Variants in ABCA13 observed in about 807,000 individuals in gnomAD.
ABCA13 encodes the protein ATP binding cassette subfamily A member 13, also known as ATP-binding cassette sub-family A member 13.
Under a neutral mutation model 478.7 loss-of-function variants are expected in ABCA13, and 476 were observed. The observed-to-expected ratio is 0.99, with a 90% CI of 0.92 to 1.07. The LOEUF is 1.07. Among genes scored for constraint, ABCA13 ranks in the 50% least tolerant of loss-of-function variants. The probability of loss-of-function intolerance (pLI) is 0.00; values close to 1 mark genes in which losing one functional copy is unlikely to be tolerated. For synonymous variants in ABCA13, 2,252 were observed against 2,158.9 expected, an observed-to-expected ratio of 1.04 and a Z score of -1.20; for missense variants, 6,060 against 5,910.6, an observed-to-expected ratio of 1.03 and a Z score of -0.83.
At chr7:48,589,342 T>A (rs967133514) in intron 57 of ABCA13, among the ~76,000 whole-genome samples, 16 of 151,762 alleles carry the variant, frequency 1.1e-4, no homozygotes, top group Non-Finnish European at 7.3e-5. Context: ...ACATCAGGGT[T>A]GGCTTACCTA....
At position 48,338,393 on chromosome 7, in the gene ABCA13, A is replaced by G. The variant is rs369989950; in HGVS notation, c.10142A>G (p.Asn3381Ser). 5 of 1,601,722 alleles carry G rather than the reference A, an allele frequency of 3.1e-6. No homozygotes were observed. The highest frequency in any genetic ancestry group is 4.3e-6 in the Non-Finnish European group (5 of 1,173,804). Residue 3381 changes from asparagine to serine, a missense_variant, in exon 29 of 62, where the codon AAC becomes AGC. Asn to Ser is a conservative substitution (Grantham distance 46). Around this residue, in one of 3 missense-constraint regions of ABCA13, gnomAD observed 4,423 missense variants for 4,309.1 expected, o/e 1.03. Transcript: ENST00000435803. ...QEALRNKFVR[N>S]FVENQLHIDV... is the part of the protein sequence containing the mutation. ...GCCCTGAGAAACAAATTTGTAAGAA[A>G]CTTTGTAGAAAACCAGTTGCACATT...
intron 55 of ABCA13, among the ~76,000 whole-genome samples, chr7:48,543,539 G>A (rs1373671982): frequency 6.6e-6 from 1 of 151,538 alleles, no homozygotes; most frequent in Non-Finnish European, 1.5e-5. Flanking sequence ...CAGGAGAATC[G>A]CTTGAACCCA....
intron 59 of ABCA13, among the ~76,000 whole-genome samples, chr7:48,632,407 G>A (rs1794241249): frequency 6.6e-6 from 1 of 152,078 alleles, no homozygotes; most frequent in Non-Finnish European, 1.5e-5. Flanking sequence ...GCACAAACAT[G>A]TTTAATTTTG....
chr7:48,298,026 G>A (rs1440510603), intron 22 of ABCA13, among the ~76,000 whole-genome samples: 1 of 147,458 alleles, frequency 6.8e-6, no homozygotes, highest in Admixed American at 6.9e-5. Context: ...CCTTTGATCT[G>A]CCCACCTCGG....
chr7:48,554,772 G>C (rs1268939835), intron 55 of ABCA13, among the ~76,000 whole-genome samples: 1 of 150,356 alleles, frequency 6.7e-6, no homozygotes, highest in African/African-American at 2.4e-5. Context: ...TCTGCAGCAA[G>C]GATAATTTGA....
At chr7:48,454,988 C>T (rs1284599877) in intron 42 of ABCA13, 49 bp from the exon 43 acceptor site, 1 of 1,438,996 alleles carries the variant, frequency 6.9e-7, no homozygotes, top group East Asian at 2.5e-5. Context: ...AAAGCGCTGT[C>T]ACCTCCGCAG....
intron 55 of ABCA13, among the ~76,000 whole-genome samples, chr7:48,533,248 G>A (rs1833359271): frequency 6.6e-6 from 1 of 151,956 alleles, no homozygotes; most frequent in Non-Finnish European, 1.5e-5. Context: ...TGATTTCATT[G>A]TTGACCCAAT....
intron 3 of ABCA13, among the ~76,000 whole-genome samples, chr7:48,214,554 A>G (rs1325096684): frequency 6.6e-6 from 1 of 152,218 alleles, no homozygotes; most frequent in East Asian, 1.9e-4. Flanking sequence ...TAGTGTAGAC[A>G]CTTACACCAA....
At chr7:48,644,219 CA>C (rs1795290677) in intron 60 of ABCA13, among the ~76,000 whole-genome samples, 1 of 152,146 alleles carries the variant, frequency 6.6e-6, no homozygotes, top group African/African-American at 2.4e-5. Context: ...AATATCTTCC[CA>C]AGTGTTGCTC....
chr7:48,178,133 A>G (rs1005242758), intron 1 of ABCA13, among the ~76,000 whole-genome samples: 1 of 152,034 alleles, frequency 6.6e-6, no homozygotes, highest in Non-Finnish European at 1.5e-5. Flanking sequence ...TTTAATTTCA[A>G]TTGATCTGAA....
chr7:48,498,416 A>T (rs533853500), intron 48 of ABCA13, among the ~76,000 whole-genome samples: 1 of 152,244 alleles, frequency 6.6e-6, no homozygotes, highest in Admixed American at 6.5e-5. Flanking sequence ...CAGAATATTT[A>T]CTGTTGTATT....
intron 59 of ABCA13, among the ~76,000 whole-genome samples, chr7:48,617,515 A>T (rs1489828105): frequency 6.6e-6 from 1 of 152,144 alleles, no homozygotes; most frequent in African/African-American, 2.4e-5. Context: ...GCTGGGAGAC[A>T]TCTGCCCAGA....
At position 48,603,804 on chromosome 7, in the gene ABCA13, G is replaced by A. The variant is rs181274819; in HGVS notation, c.14744+8991G>A. ...GATTGGAATAGTTTCAGAAGGAATG[G>A]TACCAGCTCCTCTTTGTACCTCTAG... On this transcript the variant is annotated intron_variant, in intron 58 of 61. Transcript: ENST00000435803. 4 of 152,822 alleles carry A rather than the reference G, an allele frequency of 2.6e-5. No homozygotes were observed. In the East Asian group the frequency reaches 7.7e-4, roughly 29 times the overall value. The allele number at this position is 152,822 out of a possible 1,614,324, so 9.5% of individuals were successfully genotyped here. A position where few individuals can be genotyped will look rare whatever the true frequency, so the allele number is the denominator to read the frequency against.
At chr7:48,253,649 C>T (rs976652771) in intron 15 of ABCA13, among the ~76,000 whole-genome samples, 5 of 152,108 alleles carry the variant, frequency 3.3e-5, no homozygotes, top group African/African-American at 1.2e-4. Flanking sequence ...CAGCACCTGG[C>T]TAATTTGTAT....
chr7:48,524,597 T>A (rs1205757835), intron 54 of ABCA13, among the ~76,000 whole-genome samples, 157 bp downstream of exon 54: 1 of 152,062 alleles, frequency 6.6e-6, no homozygotes, highest in Non-Finnish European at 1.5e-5. Flanking sequence ...CAGAACCAAA[T>A]AGAGGGTCTG....
intron 6 of ABCA13, among the ~76,000 whole-genome samples, chr7:48,228,741 G>C (rs76207800): frequency 0.047 from 7,142 of 152,282 alleles, 288 homozygotes; most frequent in Admixed American, 0.1. Flanking sequence ...AAAATGGAAC[G>C]TATTTTGATA....
At chr7:48,591,514 A>C (rs2131418210) in intron 57 of ABCA13, among the ~76,000 whole-genome samples, 1 of 152,060 alleles carries the variant, frequency 6.6e-6, no homozygotes, top group Middle Eastern at 3.4e-3. Context: ...TTCAGTGAAA[A>C]AATGACAATG....
Position 48,248,453 on chromosome 7 carries a change from A to C in ABCA13, c.1865+9A>C. On this transcript the variant is annotated intron_variant, in intron 14 of 61. Transcript: ENST00000435803. The stretch of plus-strand genomic sequence containing the variant: ...CAGCTTGTCTCCACAGTGTAAGTAC[A>C]TGTTTGGTGGGAAACTTATAAACAA... 6.4e-7 allele frequency: 1 copy of C among 1,557,720 alleles called. No homozygotes were observed. The highest frequency in any genetic ancestry group is 8.7e-7 in the Non-Finnish European group (1 of 1,152,058).
At chr7:48,437,411 G>A (rs1822995821) in intron 42 of ABCA13, among the ~76,000 whole-genome samples, 1 of 151,930 alleles carries the variant, frequency 6.6e-6, no homozygotes. Context: ...TGTATCCATA[G>A]ACTTAAAATG....
Sources: allele counts gnomAD v4.1 joint callset (sites outside exome capture counted in the v4.1 genomes callset), GRCh38; gene constraint gnomAD v4.1.1; regional missense constraint gnomAD v4.1.1; transcripts MANE v1.5; gene names NCBI Gene and HGNC (gene_info 2026-07-23, HGNC 2026-07-21).